Variants in SDK2 observed in about 807,000 individuals in gnomAD.
SDK2 encodes the protein sidekick cell adhesion molecule 2.
In SDK2, 105 loss-of-function variants were observed where a neutral mutation model predicts 253.9. The observed-to-expected ratio is 0.41, with a 90% CI of 0.35 to 0.49. SDK2 has a LOEUF of 0.49. Ranked by LOEUF, SDK2 falls within the 20% of genes least tolerant of loss-of-function variation. The pLI is 0.06. For synonymous variants in SDK2, 1,249 were observed against 1,234.9 expected (o/e 1.01, Z -0.24); for missense variants, 2,608 against 3,003.0 (o/e 0.87, Z 3.07).
intron 1 of SDK2, among the ~76,000 whole-genome samples, chr17:73,590,300 A>G (rs2045664153): frequency 6.6e-6 from 1 of 152,214 alleles, no homozygotes. Context: ...CCAGGAACAC[A>G]TGAGACTTGA....
At chr17:73,633,713 G>A (rs2046296775) in intron 1 of SDK2, among the ~76,000 whole-genome samples, 1 of 152,220 alleles carries the variant, frequency 6.6e-6, no homozygotes, top group South Asian at 2.1e-4. Context: ...CACAATTAAA[G>A]AAATCAGTTA....
chr17:73,604,093 CCAGCG>C (rs2045876737), intron 1 of SDK2, among the ~76,000 whole-genome samples: 1 of 152,254 alleles, frequency 6.6e-6, no homozygotes, highest in Non-Finnish European at 1.5e-5. Context: ...CCGGGCAGCG[CCAGCG>C]TCAGCCTTCC....
At chr17:73,484,722 C>T (rs1308448160) in intron 2 of SDK2, among the ~76,000 whole-genome samples, 1 of 152,246 alleles carries the variant, frequency 6.6e-6, no homozygotes, top group Non-Finnish European at 1.5e-5. Context: ...TCCTTCAGCT[C>T]TGGGGGCCCC....
At chr17:73,397,581 C>T (rs1434965356) in intron 24 of SDK2, among the ~76,000 whole-genome samples, 2 of 152,164 alleles carry the variant, frequency 1.3e-5, no homozygotes, top group African/African-American at 2.4e-5. Flanking sequence ...GTCACTACCT[C>T]GTGCAGGATG....
At position 73,379,333 on chromosome 17, in the gene SDK2, C is replaced by A; in HGVS notation, c.4865-41G>T. 1.3e-6 allele frequency: 2 copies of A among 1,502,238 alleles called. No homozygotes were observed. Among genetic ancestry groups the A allele is most frequent in the Non-Finnish European group, 1.8e-6 (2 of 1,101,836 alleles). The allele number at this position is 1,502,238 out of a possible 1,614,324, so 93.1% of individuals were successfully genotyped here. A position where few individuals can be genotyped will look rare whatever the true frequency, so the allele number is the denominator to read the frequency against. Reference sequence around the variant, plus strand: ...GGTAGGCAGTGAGCATGCGAGTAAACCTGGGAGGGGAGGTGGGCTGGGCGG... The same window carrying A: ...GGTAGGCAGTGAGCATGCGAGTAAAACTGGGAGGGGAGGTGGGCTGGGCGG... On this transcript the variant is annotated intron_variant, in intron 35 of 44. Transcript: ENST00000392650. The surrounding 1 kb of genome is among the most constrained non-coding windows in gnomAD (Gnocchi z 4.5).
chr17:73,561,728 C>A (rs1281505893), intron 1 of SDK2, among the ~76,000 whole-genome samples: 4 of 152,216 alleles, frequency 2.6e-5, no homozygotes, highest in Non-Finnish European at 5.9e-5. Context: ...AATTGAGTCT[C>A]TGCTCTCAAG....
chr17:73,637,298 TC>T (rs1169458832), intron 1 of SDK2, among the ~76,000 whole-genome samples: 14 of 152,174 alleles, frequency 9.2e-5, no homozygotes, highest in African/African-American at 2.9e-4. Flanking sequence ...AGCCTGCACT[TC>T]CTAGCTCCCT....
Position 73,394,275 on chromosome 17 carries a change from G to A in SDK2, c.3642C>T (p.Ser1214=), listed in dbSNP as rs755173242. 2 of 1,603,050 alleles carry A rather than the reference G, an allele frequency of 1.2e-6. No homozygotes were observed. Among genetic ancestry groups the A allele is most frequent in the African/African-American group, 1.3e-5 (1 of 74,770 alleles). ...TNVSALATTS[S]SMLVRWSEVP... The stretch of plus-strand genomic sequence containing the variant: ...CCTCGCTCCAGCGCACCAGCATGCT[G>A]CTGGAGGTGGTGGCCAGTGCAGACA... Residue 1214 remains serine, a synonymous_variant, in exon 26 of 45, where the codon AGC becomes AGT. Coordinates refer to ENST00000392650, the MANE Select transcript of SDK2 (RefSeq NM_001144952.2).
intron 44 of SDK2, among the ~76,000 whole-genome samples, chr17:73,341,778 T>C (rs1436153424): frequency 3.3e-5 from 5 of 152,176 alleles, no homozygotes; most frequent in African/African-American, 1.2e-4. Flanking sequence ...GTAGCTACAA[T>C]GAATAGAACT....
At chr17:73,398,267 C>A (rs1017709866) in intron 23 of SDK2, 53 bp downstream of exon 23, 4 of 1,603,850 alleles carry the variant, frequency 2.5e-6, no homozygotes, top group Non-Finnish European at 3.4e-6. Context: ...CCATAGCCCC[C>A]ACCCACCCCC....
intron 1 of SDK2, among the ~76,000 whole-genome samples, chr17:73,579,904 G>A (rs1400008911): frequency 1.3e-5 from 2 of 151,992 alleles, no homozygotes; most frequent in Non-Finnish European, 2.9e-5. Flanking sequence ...CTTGGACCTG[G>A]GAGGTGGAGG....
chr17:73,440,691 C>T (rs2063408454), intron 6 of SDK2, 121 bp downstream of exon 6: 2 of 746,660 alleles, frequency 2.7e-6, no homozygotes, highest in Non-Finnish European at 2.4e-6. Flanking sequence ...TCCTTGCATC[C>T]CTCCTCCCCT....
At chr17:73,400,804 C>A (rs185828040) in intron 21 of SDK2, among the ~76,000 whole-genome samples, 3 of 152,132 alleles carry the variant, frequency 2.0e-5, no homozygotes, top group Admixed American at 1.3e-4. Flanking sequence ...CAAGCATGCA[C>A]CACCACAGCT....
In SDK2 at chr17:73,435,309, G is replaced by A. The variant is rs1289983615; in HGVS notation, c.1195+141C>T. On this transcript the variant is annotated intron_variant, in intron 9 of 44. Coordinates refer to ENST00000392650, the MANE Select transcript of SDK2 (RefSeq NM_001144952.2). The surrounding 1 kb of genome is among the most constrained non-coding windows in gnomAD (Gnocchi z 5.7). The stretch of plus-strand genomic sequence containing the variant: ...CGGTAACTGGCTGTGCCCCCAGGCT[G>A]CTGGGCAGCAGGCGGCCTTTGGGGA... The A allele has an allele frequency of 7.7e-6, 6 of 779,320 alleles. No homozygotes were observed. The highest frequency in any genetic ancestry group is 1.2e-5 in the Non-Finnish European group (6 of 504,826). 48.3% of individuals were successfully genotyped at this position (779,320 alleles called of 1,614,324 possible). A position where few individuals can be genotyped will look rare whatever the true frequency, so the allele number is the denominator to read the frequency against.
At position 73,576,724 on chromosome 17, in the gene SDK2, A is replaced by C. The variant is rs144521146; in HGVS notation, c.64+67301T>G. On this transcript the variant is annotated intron_variant, in intron 1 of 44. Transcript: ENST00000392650. ...AGAGGCCAGGGGGTTGCCAGTACCT[A>C]TAGGTCTCCCTCACCCAGTAGGACT... Among the ~76,000 whole-genome samples the C allele has an allele frequency of 1.9e-3, 293 of 152,248 alleles. No homozygotes were observed. The Middle Eastern group carries it at 0.037, about 19-fold the overall frequency.
intron 1 of SDK2, among the ~76,000 whole-genome samples, chr17:73,600,675 G>C (rs2045825672): frequency 6.6e-6 from 1 of 152,212 alleles, no homozygotes; most frequent in Non-Finnish European, 1.5e-5. Context: ...AGTCGATGCG[G>C]ACAACTTGAT....
chr17:73,470,692 C>G (rs574446640), intron 3 of SDK2, among the ~76,000 whole-genome samples: 6 of 152,352 alleles, frequency 3.9e-5, no homozygotes, highest in Admixed American at 2.0e-4. Context: ...ACACTCTTTG[C>G]CTCACTTGAG....
At chr17:73,513,279 A>G (rs1162586538) in intron 1 of SDK2, among the ~76,000 whole-genome samples, 1 of 152,246 alleles carries the variant, frequency 6.6e-6, no homozygotes. Context: ...AAAAAGATTA[A>G]CAAACCAATA....
chr17:73,351,939 C>A (rs1464143997), intron 41 of SDK2, among the ~76,000 whole-genome samples: 1 of 151,836 alleles, frequency 6.6e-6, no homozygotes, highest in African/African-American at 2.4e-5. Context: ...TTAGTGATAA[C>A]ATTTTGGGTC....
Sources: gnomAD v4.1 joint callset for allele counts (sites outside exome capture counted in the v4.1 genomes callset) on GRCh38, gnomAD v4.1.1 for gene constraint, Gnocchi (gnomAD v3.1) non-coding constraint, MANE v1.5 for transcripts, NCBI Gene and HGNC (gene_info 2026-07-23, HGNC 2026-07-21) for gene names.